Variants in IL26 observed in about 807,000 individuals in gnomAD.
IL26 encodes the protein interleukin 26, also known as interleukin-26.
IL26 carries 23 observed loss-of-function variants against 21.7 expected under a neutral mutation model. The observed-to-expected ratio is 1.06, with a 90% CI of 0.76 to 1.50. The LOEUF (loss-of-function observed/expected upper bound fraction) is 1.50. Among genes scored for constraint, IL26 ranks in the 40% most tolerant of loss-of-function variants. IL26 has a pLI of 0.00. For missense variants in IL26, 204 were observed against 196.0 expected (o/e 1.04, Z -0.24); for synonymous variants, 63 against 67.8 (o/e 0.93, Z 0.34).
chr12:68,207,553 C>G (rs975734331), intron 3 of IL26, among the ~76,000 whole-genome samples: 18 of 152,152 alleles, frequency 1.2e-4, no homozygotes, highest in African/African-American at 4.1e-4. Context: ...TATAGTAGTA[C>G]AGCATTACCA....
At chr12:68,202,412 G>T (rs1455555264) in intron 3 of IL26, among the ~76,000 whole-genome samples, 2 of 152,158 alleles carry the variant, frequency 1.3e-5, no homozygotes, top group African/African-American at 4.8e-5. Flanking sequence ...ATTTGTATTA[G>T]CCCATTTTCA....
intron 3 of IL26, among the ~76,000 whole-genome samples, chr12:68,224,708 G>A (rs1869183072): frequency 6.9e-6 from 1 of 145,386 alleles, no homozygotes; most frequent in Admixed American, 6.9e-5. Context: ...GGGAGAGGGA[G>A]GGAGGGAGAG....
Position 68,202,076 on chromosome 12 carries a change from C to G in IL26, c.371G>C (p.Cys124Ser). The G allele has an allele frequency of 6.4e-7, 1 of 1,572,560 alleles. No individual in the cohort carries two copies. The highest frequency in any genetic ancestry group is 8.7e-7 in the Non-Finnish European group (1 of 1,151,280). The change falls in exon 4 of 5, where the codon TGT (cysteine) becomes TCT (serine). Residue 124 changes from cysteine to serine, a missense_variant. Physicochemically the swap from Cys to Ser is moderately radical, Grantham distance 112 (BLOSUM62 -1). Transcript: ENST00000229134. ...TTTCATCTCTCTAGCTGATGAAGCA[C>G]AGGAAATCTAAGAAATCAACAGTAA... is the stretch of plus-strand genomic sequence containing the variant. ...LRQKLSHCIS[C>S]ASSAREMKSI...
rs776721978 is a variant in IL26, at chr12:68,201,848, C to T, written c.513G>A (p.Gln171=). 3.2e-6 allele frequency: 5 copies of T among 1,585,028 alleles called. No individual in the cohort carries two copies. In the South Asian group the frequency reaches 4.7e-5, roughly 15 times the overall value. ...AATCAATGTACTTGGCTTTGGTTTACTGACTGCTTTCCAATAATTTTTTAA... is the reference window on the plus strand; with the variant it reads ...AATCAATGTACTTGGCTTTGGTTTATTGACTGCTTTCCAATAATTTTTTAA... ...SWIKKLLESS[Q] The change falls in exon 5 of 5, where the codon CAG becomes CAA. Residue 171 remains glutamine (Q), a synonymous_variant. Coordinates refer to ENST00000229134, the MANE Select transcript of IL26 (RefSeq NM_018402.2).
At chr12:68,211,447 G>A (rs1592897193) in intron 3 of IL26, among the ~76,000 whole-genome samples, 1 of 152,054 alleles carries the variant, frequency 6.6e-6, no homozygotes, top group Admixed American at 6.6e-5. Flanking sequence ...TGAATCACAT[G>A]GTAGTTATAC....
chr12:68,202,933 C>T (rs1269825144), intron 3 of IL26, among the ~76,000 whole-genome samples: 1 of 151,958 alleles, frequency 6.6e-6, no homozygotes, highest in African/African-American at 2.4e-5. Flanking sequence ...TGAAAGAAAG[C>T]AAGCAAGCAT....
rs540693081 is a variant in IL26 at position 68,210,338 on chromosome 12, C to CAAAAAAAAAAAA, written c.364-8267_364-8256dup. Among the ~76,000 whole-genome samples the CAAAAAAAAAAAA allele has an allele frequency of 4.5e-4, 10 of 22,088 alleles. 1 individual carries two copies. Among genetic ancestry groups the CAAAAAAAAAAAA allele is most frequent in the Non-Finnish European group, 7.1e-4 (7 of 9,864 alleles). 14.5% of individuals were successfully genotyped at this position (22,088 alleles called of 152,430 possible). Reference sequence around the variant, plus strand: ...ACTAAATAAATAAATATCAGTTTGGCAAAAAAAAAAAAAAAAAAAAAAAAA... The same window carrying CAAAAAAAAAAAA: ...ACTAAATAAATAAATATCAGTTTGGCAAAAAAAAAAAAAAAAAAAAAAAAAAAAAAAAAAAAA... On this transcript the variant is annotated intron_variant, in intron 3 of 4. Transcript: ENST00000229134.
intron 3 of IL26, among the ~76,000 whole-genome samples, chr12:68,210,100 C>G (rs1433773031): frequency 6.6e-6 from 1 of 151,528 alleles, no homozygotes; most frequent in Middle Eastern, 3.2e-3. Flanking sequence ...TTTTTCTTCT[C>G]CAAAATACAG....
Position 68,204,140 on chromosome 12 carries a change from GA to G in IL26, c.364-2058del, listed in dbSNP as rs1356850285. Among the ~76,000 whole-genome samples, 237 of 108,992 alleles carry G rather than the reference GA, an allele frequency of 2.2e-3. 2 individuals are homozygous for G. The highest frequency in any genetic ancestry group is 1.7e-3 in the Non-Finnish European group (88 of 51,938). 71.5% of individuals were successfully genotyped at this position (108,992 alleles called of 152,430 possible). A position where few individuals can be genotyped will look rare whatever the true frequency, so the allele number is the denominator to read the frequency against. On this transcript the variant is annotated intron_variant, in intron 3 of 4. Coordinates refer to ENST00000229134, the MANE Select transcript of IL26 (RefSeq NM_018402.2). ...CTAAAATCATGTGTTAGGATTCAAA[GA>G]TTTTTTTTTTTTTTTTTTTTGAGGC...
intron 2 of IL26, 54 bp downstream of exon 2, chr12:68,225,390 A>G: frequency 6.6e-7 from 1 of 1,517,892 alleles, no homozygotes; most frequent in Non-Finnish European, 9.0e-7. Context: ...ATGCAGGGGG[A>G]AATAAACATC....
chr12:68,221,859 C>T (rs1869055724), intron 3 of IL26, among the ~76,000 whole-genome samples: 1 of 152,036 alleles, frequency 6.6e-6, no homozygotes, highest in South Asian at 2.1e-4. Context: ...AATATTTCCC[C>T]AACCCAAATA....
rs756441053 is a variant in IL26 at position 68,225,555 on chromosome 12, G to A, written c.171+31C>T. ...ATCCAAGATTGTAAATGTCCTTGAG[G>A]TCATGATTTTAAGCAGAGCCTAATA... is the stretch of plus-strand genomic sequence containing the variant. On this transcript the variant is annotated intron_variant, in intron 1 of 4. Transcript: ENST00000229134. The A allele has an allele frequency of 3.4e-5, 54 of 1,611,748 alleles. 1 individual carries two copies. The South Asian group carries it at 5.4e-4, about 16-fold the overall frequency.
chr12:68,213,734 T>C (rs11571027), intron 3 of IL26, among the ~76,000 whole-genome samples: 1,986 of 152,212 alleles, frequency 0.013, 41 homozygotes, highest in African/African-American at 0.045. Flanking sequence ...GTCTCTTTTT[T>C]CATCTCTGAT....
At chr12:68,224,609 G>GAGAA (rs566127998) in intron 3 of IL26, among the ~76,000 whole-genome samples, 1 of 150,086 alleles carries the variant, frequency 6.7e-6, no homozygotes, top group Non-Finnish European at 1.5e-5. Context: ...GAAAGAGAGA[G>GAGAA]AGAAAGAAAG....
At chr12:68,216,526 G>C (rs1333342746) in intron 3 of IL26, among the ~76,000 whole-genome samples, 1 of 152,184 alleles carries the variant, frequency 6.6e-6, no homozygotes, top group Non-Finnish European at 1.5e-5. Flanking sequence ...ACCTTAAGAT[G>C]AGGCTACTGT....
At chr12:68,223,024 C>A (rs1175880459) in intron 3 of IL26, among the ~76,000 whole-genome samples, 2 of 152,164 alleles carry the variant, frequency 1.3e-5, no homozygotes, top group African/African-American at 4.8e-5. Flanking sequence ...CAGACAGATA[C>A]CAGTTTCTGC....
chr12:68,207,623 T>A (rs1000539942), intron 3 of IL26, among the ~76,000 whole-genome samples: 2 of 152,178 alleles, frequency 1.3e-5, no homozygotes, highest in African/African-American at 4.8e-5. Flanking sequence ...CTCACATTAC[T>A]CATTGGTAAT....
chr12:68,221,349 C>T (rs1869039134), intron 3 of IL26, among the ~76,000 whole-genome samples: 1 of 152,024 alleles, frequency 6.6e-6, no homozygotes, highest in South Asian at 2.1e-4. Context: ...AGCACGAGGT[C>T]TCAGCCATTT....
intron 3 of IL26, among the ~76,000 whole-genome samples, chr12:68,224,048 C>A (rs12813085): frequency 1.4e-5 from 2 of 147,004 alleles, no homozygotes; most frequent in East Asian, 4.0e-4. Flanking sequence ...CACCCCCCCC[C>A]TCTAATGGCC....
Sources: gnomAD v4.1 joint callset for allele counts (sites outside exome capture counted in the v4.1 genomes callset) on GRCh38, gnomAD v4.1.1 for gene constraint, MANE v1.5 for transcripts, NCBI Gene and HGNC (gene_info 2026-07-23, HGNC 2026-07-21) for gene names.